The following ZFAT variants were observed in gnomAD, a reference collection of about 807,000 sequenced individuals.
ZFAT encodes zinc finger protein ZFAT.
In ZFAT, 64 loss-of-function variants were observed where a neutral mutation model predicts 117.7. The observed-to-expected ratio is 0.54, with a 90% CI of 0.44 to 0.67. The LOEUF (loss-of-function observed/expected upper bound fraction) is 0.67. Ranked by LOEUF, ZFAT falls within the 30% of genes least tolerant of loss-of-function variation. The pLI is 0.00. For synonymous variants in ZFAT, 679 were observed against 615.0 expected, an observed-to-expected ratio of 1.10 and a Z score of -1.54; for missense variants, 1,433 against 1,584.5, an observed-to-expected ratio of 0.90 and a Z score of 1.62.
chr8:134,567,946 T>C (rs1824595525), intron 10 of ZFAT, among the ~76,000 whole-genome samples: 1 of 152,204 alleles, frequency 6.6e-6, no homozygotes. Flanking sequence ...CTACACACTG[T>C]CCACTTGCTT....
chr8:134,647,323 C>A (rs1830956871), intron 2 of ZFAT, among the ~76,000 whole-genome samples: 1 of 151,994 alleles, frequency 6.6e-6, no homozygotes. Flanking sequence ...ATTCAACAAC[C>A]CTTCATGATA....
chr8:134,605,452 G>A (rs1308229633), intron 5 of ZFAT, among the ~76,000 whole-genome samples: 14 of 152,002 alleles, frequency 9.2e-5, no homozygotes, highest in African/African-American at 2.7e-4. Flanking sequence ...AGGCTGAGGC[G>A]GGAGAATGGC....
intron 1 of ZFAT, among the ~76,000 whole-genome samples, chr8:134,696,021 A>G (rs961309050): frequency 3.5e-5 from 5 of 144,386 alleles, no homozygotes; most frequent in Admixed American, 3.4e-4. Context: ...CTAGACACCC[A>G]GGTCTTTAAC....
chr8:134,600,007 C>T (rs1827282451), intron 7 of ZFAT: 1 of 369,586 alleles, frequency 2.7e-6, no homozygotes, highest in Non-Finnish European at 5.2e-6. Flanking sequence ...TCAACATCTA[C>T]TATGCTCTTA....
At chr8:134,712,737 C>T (rs1421090014) in intron 1 of ZFAT, 108 bp downstream of exon 1, 53 of 1,121,716 alleles carry the variant, frequency 4.7e-5, no homozygotes, top group South Asian at 2.9e-4. Context: ...CGGCCGGCGG[C>T]CGGCGGCCGG....
At chr8:134,711,137 T>G (rs1006863898) in intron 1 of ZFAT, among the ~76,000 whole-genome samples, 2 of 152,228 alleles carry the variant, frequency 1.3e-5, no homozygotes, top group Non-Finnish European at 1.5e-5. Context: ...TTTTGTTTTG[T>G]TTTTTGAGAA....
At chr8:134,810,288 G>A in the ZFAT span, among the ~76,000 whole-genome samples, 1 of 152,090 alleles carries the variant, frequency 6.6e-6, no homozygotes, top group Admixed American at 6.5e-5. Flanking sequence ...AGCAAAAAGA[G>A]ATTTCAGAAA....
the ZFAT span, among the ~76,000 whole-genome samples, chr8:134,750,164 T>C: frequency 3.3e-5 from 5 of 152,300 alleles, no homozygotes; most frequent in Admixed American, 3.3e-4. Flanking sequence ...TCTCAGTAAG[T>C]TTTAATTTTT....
rs560705365 is a variant in ZFAT, at chr8:134,495,316, G to C, written c.3492+14303C>G. 4.1e-4 allele frequency among the ~76,000 whole-genome samples: 63 copies of C among 152,152 alleles called. 1 individual carries two copies. The highest frequency in any genetic ancestry group is 9.2e-4 in the Admixed American group (14 of 15,276). ...ATTGTGTTCTGACATGGTGGAAAGA[G>C]AGAGATCAAGCTCTCTCCTCTCTTA... On this transcript the variant is annotated intron_variant, in intron 15 of 15. Coordinates refer to ENST00000377838, the MANE Select transcript of ZFAT (RefSeq NM_020863.4).
chr8:134,565,090 T>G (rs1046386044), intron 11 of ZFAT: 1 of 1,482,764 alleles, frequency 6.7e-7, no homozygotes, highest in Non-Finnish European at 9.0e-7. Context: ...TGCCTTTTCT[T>G]CTGTCTGCAT....
intron 2 of ZFAT, among the ~76,000 whole-genome samples, chr8:134,641,419 C>T (rs1024570275): frequency 9.2e-5 from 14 of 152,146 alleles, no homozygotes; most frequent in Non-Finnish European, 1.5e-4. Context: ...GAGACCAAGC[C>T]CCAGTTCAAA....
intron 15 of ZFAT, among the ~76,000 whole-genome samples, chr8:134,493,474 C>T (rs1387763675): frequency 1.3e-5 from 2 of 152,190 alleles, no homozygotes; most frequent in Non-Finnish European, 2.9e-5. Flanking sequence ...AAGAGGATGC[C>T]CATGACTAGA....
chr8:134,595,754 G>A (rs1826881828), intron 7 of ZFAT, among the ~76,000 whole-genome samples: 1 of 152,234 alleles, frequency 6.6e-6, no homozygotes, highest in African/African-American at 2.4e-5. Flanking sequence ...GTAGTGGGAA[G>A]AAACTTTGTT....
chr8:134,617,081 C>T (rs538250188), intron 3 of ZFAT, among the ~76,000 whole-genome samples: 2 of 152,328 alleles, frequency 1.3e-5, no homozygotes, highest in South Asian at 4.1e-4. Flanking sequence ...ATTCCCCTGT[C>T]TTGGCAGCCA....
chr8:134,551,253 G>A (rs926431553), intron 11 of ZFAT, among the ~76,000 whole-genome samples: 1 of 152,214 alleles, frequency 6.6e-6, no homozygotes, highest in South Asian at 2.1e-4. Flanking sequence ...CATAGAAATT[G>A]TGTTACTCCT....
chr8:134,799,247 G>A, the ZFAT span, among the ~76,000 whole-genome samples: 1 of 152,072 alleles, frequency 6.6e-6, no homozygotes, highest in African/African-American at 2.4e-5. Flanking sequence ...TTCCACAGGA[G>A]CACCAAGCAT....
At chr8:134,572,802 G>A (rs536018786) in intron 10 of ZFAT, among the ~76,000 whole-genome samples, 66 of 140,930 alleles carry the variant, frequency 4.7e-4, no homozygotes, top group African/African-American at 1.9e-3. Flanking sequence ...GCCACGGTGG[G>A]GAAAAAAAAA....
chr8:134,695,921 C>T (rs562693667), intron 1 of ZFAT, among the ~76,000 whole-genome samples: 17 of 150,716 alleles, frequency 1.1e-4, no homozygotes, highest in East Asian at 5.9e-4. Context: ...ACCAAGGAGG[C>T]GCTGCCCCCA....
chr8:134,709,611 A>G (rs1813911609), intron 1 of ZFAT, among the ~76,000 whole-genome samples: 1 of 152,254 alleles, frequency 6.6e-6, no homozygotes, highest in Non-Finnish European at 1.5e-5. Flanking sequence ...AAATCAGCCC[A>G]TCTTGGTGCA....
Sources: allele counts gnomAD v4.1 joint callset (sites outside exome capture counted in the v4.1 genomes callset), GRCh38; gene constraint gnomAD v4.1.1; transcripts MANE v1.5; gene names NCBI Gene and HGNC (gene_info 2026-07-23, HGNC 2026-07-21).